TG: variants seen among roughly 807,000 people sequenced by gnomAD.
TG encodes the protein thyroid hormones.
TG carries 270 observed loss-of-function variants against 324.7 expected under a neutral mutation model. The observed-to-expected ratio is 0.83, with a 90% CI of 0.75 to 0.92. The LOEUF (loss-of-function observed/expected upper bound fraction) is 0.92. TG is among the 40% of genes least tolerant of loss of function. The pLI is 0.00. For missense variants in TG, 3,591 were observed against 3,456.4 expected (o/e 1.04, Z -0.98); for synonymous variants, 1,401 against 1,327.0 (o/e 1.06, Z -1.21).
At chr8:132,892,692 T>G (rs111872908) in intron 10 of TG, among the ~76,000 whole-genome samples, 1,833 of 151,866 alleles carry the variant, frequency 0.012, 33 homozygotes, top group African/African-American at 0.043. Context: ...TGTTTATGTA[T>G]GTGTGTGTGG....
chr8:132,964,755 G>A (rs1038103573), intron 29 of TG: 144 of 614,510 alleles, frequency 2.3e-4, no homozygotes, highest in Non-Finnish European at 3.6e-4. Context: ...CTGTGGCCTT[G>A]GACATTCACA....
intron 14 of TG, 100 bp from the exon 15 acceptor site, chr8:132,900,137 C>T: frequency 1.0e-6 from 1 of 967,318 alleles, no homozygotes; most frequent in Non-Finnish European, 1.6e-6. Context: ...AAGCCATCAC[C>T]TGTTGTTTTG....
intron 35 of TG, chr8:132,995,207 T>C: frequency 1.0e-6 from 1 of 956,606 alleles, no homozygotes. Context: ...CCCCAGTTTC[T>C]TTAAGGTAGA....
At chr8:132,891,579 T>G (rs1439200412) in intron 10 of TG, among the ~76,000 whole-genome samples, 2 of 152,156 alleles carry the variant, frequency 1.3e-5, no homozygotes, top group Non-Finnish European at 2.9e-5. Flanking sequence ...AAGTGATCTG[T>G]CTGCCTTGGC....
intron 2 of TG, 107 bp downstream of exon 2, chr8:132,868,330 G>A (rs1587150763): frequency 1.9e-6 from 2 of 1,043,120 alleles, no homozygotes; most frequent in Admixed American, 3.9e-5. Flanking sequence ...CTTTGTGCAT[G>A]TGAGGCTTGG....
At chr8:132,932,457 G>A (rs181022231) in intron 23 of TG, among the ~76,000 whole-genome samples, 59 of 152,320 alleles carry the variant, frequency 3.9e-4, no homozygotes, top group Non-Finnish European at 6.6e-4. Flanking sequence ...ATCAGCCACA[G>A]ACTGTGCTGA....
intron 43 of TG, among the ~76,000 whole-genome samples, chr8:133,101,063 C>G (rs1849177379): frequency 6.6e-6 from 1 of 152,068 alleles, no homozygotes; most frequent in South Asian, 2.1e-4. Context: ...GGTCTCTGAC[C>G]CCAATTGCAG....
At chr8:132,996,519 AC>A (rs1832902356) in intron 35 of TG, among the ~76,000 whole-genome samples, 1 of 149,716 alleles carries the variant, frequency 6.7e-6, no homozygotes, top group South Asian at 2.1e-4. Flanking sequence ...AACTACAACT[AC>A]ATTACTATTT....
At chr8:132,949,530 C>G (rs988476058) in intron 27 of TG, among the ~76,000 whole-genome samples, 2 of 152,128 alleles carry the variant, frequency 1.3e-5, no homozygotes, top group Non-Finnish European at 2.9e-5. Flanking sequence ...AAAACTGGAG[C>G]CTGAAATGCA....
At chr8:133,093,151 T>G (rs1458999452) in intron 41 of TG, among the ~76,000 whole-genome samples, 5 of 151,638 alleles carry the variant, frequency 3.3e-5, no homozygotes, top group Non-Finnish European at 7.4e-5. Context: ...TTTTTTTTTT[T>G]AATTTAAAGT....
At chr8:132,921,673 T>C (rs1040829486) in intron 21 of TG, among the ~76,000 whole-genome samples, 1 of 152,244 alleles carries the variant, frequency 6.6e-6, no homozygotes, top group Admixed American at 6.5e-5. Flanking sequence ...TTGATCTTGC[T>C]TATACTTTTC....
At chr8:133,053,837 A>G (rs1162093028) in intron 41 of TG, among the ~76,000 whole-genome samples, 4 of 152,238 alleles carry the variant, frequency 2.6e-5, no homozygotes, top group African/African-American at 9.6e-5. Context: ...AATTTCCGTA[A>G]TAGTGATGTT....
rs746860982 is a variant in TG, at chr8:133,030,015, G to A, written c.7231G>A (p.Val2411Met). 1.9e-6 allele frequency: 3 copies of A among 1,614,128 alleles called. No homozygotes were observed. Among genetic ancestry groups the A allele is most frequent in the Non-Finnish European group, 1.7e-6 (2 of 1,180,054 alleles). ...CAACTCCCAACTTTTCCGGAGAGCT[G>A]TGCTGATGGTAAGTGGTGTGTGTTC... ...ATNSQLFRRA[V>M]LMGGSALSPA... The change falls in exon 41 of 48, where the codon GTG becomes ATG. Residue 2411 changes from valine to methionine, a missense_variant. Transcript: ENST00000220616.
chr8:133,073,634 C>T (rs2703005), intron 41 of TG, among the ~76,000 whole-genome samples: 30,704 of 152,124 alleles, frequency 0.2, 3,191 homozygotes, highest in African/African-American at 0.21. Context: ...GACCACAGCC[C>T]AGTTTAATAG....
intron 41 of TG, among the ~76,000 whole-genome samples, chr8:133,036,396 A>G (rs1837133521): frequency 6.6e-6 from 1 of 152,228 alleles, no homozygotes; most frequent in African/African-American, 2.4e-5. Context: ...TATCTGCAGA[A>G]AGAAATTCTT....
chr8:132,897,806 T>C lies in TG; in HGVS notation c.3139+20T>C, dbSNP rs367675618. On this transcript the variant is annotated intron_variant, in intron 12 of 47. Coordinates refer to ENST00000220616, the MANE Select transcript of TG (RefSeq NM_003235.5). ...GGACTGGTAAGGAGGGATAGGCACCTTCAGGTGGCCAAGTGACACCCCTTT... is the reference window on the plus strand; with the variant it reads ...GGACTGGTAAGGAGGGATAGGCACCCTCAGGTGGCCAAGTGACACCCCTTT... The C allele has an allele frequency of 3.7e-6, 6 of 1,613,760 alleles. No individual in the cohort carries two copies. The African/African-American group carries it at 5.3e-5, about 14-fold the overall frequency.
At chr8:133,019,432 C>A (rs750464956) in intron 38 of TG, among the ~76,000 whole-genome samples, 170 bp from the exon 39 acceptor site, 6 of 152,220 alleles carry the variant, frequency 3.9e-5, no homozygotes, top group Non-Finnish European at 8.8e-5. Context: ...TCATTCCCTC[C>A]ATTCACTGAA....
Position 132,871,568 on chromosome 8 carries a change from G to T in TG, c.478+17G>T. The T allele has an allele frequency of 6.2e-7, 1 of 1,610,818 alleles. No homozygotes were observed. The highest frequency in any genetic ancestry group is 8.5e-7 in the Non-Finnish European group (1 of 1,177,440). On this transcript the variant is annotated intron_variant, in intron 4 of 47. Transcript: ENST00000220616. Reference sequence around the variant, plus strand: ...CAAAGCGATGTGAGTTTCACTGAGCGCCTGCACCCCTAGAGCTGGGGAGGG... The same window carrying T: ...CAAAGCGATGTGAGTTTCACTGAGCTCCTGCACCCCTAGAGCTGGGGAGGG...
In TG at chr8:132,883,587, G is replaced by A. The variant is rs146728429; in HGVS notation, c.1075+588G>A. 3.3e-5 allele frequency among the ~76,000 whole-genome samples: 5 copies of A among 152,298 alleles called. No homozygotes were observed. In the East Asian group the frequency reaches 9.7e-4, roughly 29 times the overall value. On this transcript the variant is annotated intron_variant, in intron 8 of 47. Transcript: ENST00000220616. ...GTGCTCCGGACTCTGAAGAAAGGCAGGGGTAAGACAATGAGGTCTTTGTTA... is the reference window on the plus strand; with the variant it reads ...GTGCTCCGGACTCTGAAGAAAGGCAAGGGTAAGACAATGAGGTCTTTGTTA...
Sources: allele counts gnomAD v4.1 joint callset (sites outside exome capture counted in the v4.1 genomes callset), GRCh38; gene constraint gnomAD v4.1.1; transcripts MANE v1.5; gene names NCBI Gene and HGNC (gene_info 2026-07-23, HGNC 2026-07-21).